Variants in CPED1 observed in about 807,000 individuals in gnomAD.
CPED1 encodes the protein cadherin like and PC-esterase domain containing 1, also known as cadherin-like and PC-esterase domain-containing protein 1.
CPED1 carries 114 observed loss-of-function variants against 128.2 expected under a neutral mutation model. The ratio of observed to expected loss-of-function variants is 0.89; its 90% CI spans 0.76 to 1.04. The LOEUF (loss-of-function observed/expected upper bound fraction) is 1.04, where lower values mean the gene tolerates loss of function less well. Among genes scored for constraint, CPED1 ranks in the 50% least tolerant of loss-of-function variants. The probability of loss-of-function intolerance (pLI) is 0.00; values close to 1 mark genes in which losing one functional copy is unlikely to be tolerated. For missense variants in CPED1, 1,211 were observed against 1,207.1 expected (o/e 1.00, Z -0.05); for synonymous variants, 462 against 426.7 (o/e 1.08, Z -1.02).
At chr7:121,238,237 C>A (rs1300908627) in intron 17 of CPED1, among the ~76,000 whole-genome samples, 1 of 152,156 alleles carries the variant, frequency 6.6e-6, no homozygotes, top group African/African-American at 2.4e-5. Context: ...GGAGCTAGGT[C>A]TCCTTAGAGA....
chr7:121,108,213 G>T (rs1387745508), intron 7 of CPED1, among the ~76,000 whole-genome samples: 2 of 151,998 alleles, frequency 1.3e-5, no homozygotes, highest in African/African-American at 4.8e-5. Flanking sequence ...TCCCCCATTG[G>T]ATTAAACATA....
chr7:121,267,037 C>T (rs1469549803), intron 20 of CPED1, among the ~76,000 whole-genome samples, 178 bp from the exon 21 acceptor site: 1 of 151,894 alleles, frequency 6.6e-6, no homozygotes, highest in Non-Finnish European at 1.5e-5. Context: ...TCTACTGACA[C>T]CTAAAACTCT....
intron 10 of CPED1, 49 bp downstream of exon 10, chr7:121,127,306 A>G: frequency 8.4e-7 from 1 of 1,189,038 alleles, no homozygotes; most frequent in Non-Finnish European, 1.2e-6. Context: ...GTCATTCCTT[A>G]GAAGGTGTCA....
intron 16 of CPED1, among the ~76,000 whole-genome samples, chr7:121,146,631 A>G (rs956902419): frequency 6.6e-6 from 1 of 152,198 alleles, no homozygotes; most frequent in African/African-American, 2.4e-5. Flanking sequence ...ATCAATTACA[A>G]TAACATTTTG....
At chr7:121,189,467 A>T (rs994121878) in intron 16 of CPED1, among the ~76,000 whole-genome samples, 1 of 151,766 alleles carries the variant, frequency 6.6e-6, no homozygotes, top group African/African-American at 2.4e-5. Flanking sequence ...ATGAGAACCC[A>T]CTATCATGAG....
At chr7:121,156,974 T>A (rs923152905) in intron 16 of CPED1, among the ~76,000 whole-genome samples, 2 of 152,318 alleles carry the variant, frequency 1.3e-5, no homozygotes, top group African/African-American at 4.8e-5. Context: ...AAAGTTGAAT[T>A]GCTTGATATG....
At chr7:121,118,204 A>T (rs989848378) in intron 7 of CPED1, among the ~76,000 whole-genome samples, 2 of 152,128 alleles carry the variant, frequency 1.3e-5, no homozygotes, top group African/African-American at 4.8e-5. Context: ...ATTAATACTG[A>T]TGCTGAACTC....
chr7:121,061,585 C>A (rs985311488), intron 4 of CPED1, among the ~76,000 whole-genome samples: 3 of 152,064 alleles, frequency 2.0e-5, no homozygotes, highest in Non-Finnish European at 2.9e-5. Context: ...ATCTCTGTGT[C>A]TTCTGCTTAA....
At chr7:121,033,911 C>T (rs1194149651) in intron 3 of CPED1, among the ~76,000 whole-genome samples, 1 of 152,136 alleles carries the variant, frequency 6.6e-6, no homozygotes, top group East Asian at 1.9e-4. Context: ...TCTCTCCTTC[C>T]TCTTAGACTT....
chr7:121,251,655 A>T (rs1369904283), intron 18 of CPED1, among the ~76,000 whole-genome samples: 1 of 152,240 alleles, frequency 6.6e-6, no homozygotes, highest in Non-Finnish European at 1.5e-5. Context: ...AATCACAAAC[A>T]TTCTCGTACA....
At chr7:121,144,113 G>A (rs1276524547) in intron 16 of CPED1, among the ~76,000 whole-genome samples, 8 of 152,066 alleles carry the variant, frequency 5.3e-5, no homozygotes, top group Admixed American at 5.3e-4. Flanking sequence ...TACAGCCACT[G>A]TGGAGAACAG....
chr7:121,282,170 C>A (rs1259939529), intron 22 of CPED1, among the ~76,000 whole-genome samples: 3 of 152,250 alleles, frequency 2.0e-5, no homozygotes, highest in East Asian at 1.9e-4. Context: ...ATGTATCAAG[C>A]CATTAGAATT....
intron 5 of CPED1, among the ~76,000 whole-genome samples, chr7:121,085,048 A>G (rs1794387096): frequency 1.5e-5 from 2 of 136,682 alleles, no homozygotes; most frequent in South Asian, 4.7e-4. Context: ...CATAAGTACA[A>G]TCCTCTCATA....
chr7:121,198,992 G>T (rs1225202826), intron 16 of CPED1, among the ~76,000 whole-genome samples: 1 of 152,110 alleles, frequency 6.6e-6, no homozygotes. Flanking sequence ...GATGCCTTTG[G>T]CAAATTAGAT....
chr7:121,048,844 C>T (rs1271663696), intron 4 of CPED1, among the ~76,000 whole-genome samples: 1 of 152,166 alleles, frequency 6.6e-6, no homozygotes, highest in African/African-American at 2.4e-5. Flanking sequence ...AGGCCTATCT[C>T]TAAACATTTC....
chr7:121,266,225 A>G lies in CPED1; in HGVS notation c.2311-2A>G. On this transcript the variant is annotated splice_acceptor_variant, in intron 18 of 22. Coordinates refer to ENST00000310396, the MANE Select transcript of CPED1 (RefSeq NM_024913.5). LOFTEE classifies it high-confidence loss of function. ...AACAAATGCTTTCTCTTTAACTTATAGATTCTGTTCATTGGAGATTCAACC... is the reference window on the plus strand; with the variant it reads ...AACAAATGCTTTCTCTTTAACTTATGGATTCTGTTCATTGGAGATTCAACC... 1 of 1,602,540 alleles carries G rather than the reference A, an allele frequency of 6.2e-7. No homozygotes were observed. The highest frequency in any genetic ancestry group is 1.1e-5 in the South Asian group (1 of 90,820).
At chr7:121,003,695 A>G (rs1288469332) in intron 2 of CPED1, among the ~76,000 whole-genome samples, 1 of 152,168 alleles carries the variant, frequency 6.6e-6, no homozygotes, top group Non-Finnish European at 1.5e-5. Context: ...AGGAACAGGT[A>G]GACAGGGTAG....
chr7:121,015,941 A>G, intron 3 of CPED1, 93 bp downstream of exon 3: 1 of 911,792 alleles, frequency 1.1e-6, no homozygotes. Flanking sequence ...AAAAAAATTT[A>G]TAAAAACAAA....
At chr7:121,132,260 G>T (rs1180748070) in intron 12 of CPED1, among the ~76,000 whole-genome samples, 1 of 152,064 alleles carries the variant, frequency 6.6e-6, no homozygotes, top group Admixed American at 6.6e-5. Flanking sequence ...AATAGAAATA[G>T]AGTTGGAACT....
Sources: allele counts gnomAD v4.1 joint callset (sites outside exome capture counted in the v4.1 genomes callset), GRCh38; gene constraint gnomAD v4.1.1; transcripts MANE v1.5; gene names NCBI Gene and HGNC (gene_info 2026-07-23, HGNC 2026-07-21).